The following INPP4B variants were observed in gnomAD, a reference collection of about 807,000 sequenced individuals.
The protein encoded by INPP4B is inositol polyphosphate 4-phosphatase type II.
INPP4B carries 55 observed loss-of-function variants against 122.5 expected under a neutral mutation model. The ratio of observed to expected loss-of-function variants is 0.45; its 90% CI spans 0.36 to 0.56. The LOEUF (loss-of-function observed/expected upper bound fraction) is 0.56. Among genes scored for constraint, INPP4B ranks in the 20% least tolerant of loss-of-function variants. The pLI is 0.00. For missense variants in INPP4B, 1,000 were observed against 1,097.7 expected, an observed-to-expected ratio of 0.91 and a Z score of 1.26; for synonymous variants, 403 against 388.7, an observed-to-expected ratio of 1.04 and a Z score of -0.43.
intron 2 of INPP4B, among the ~76,000 whole-genome samples, chr4:142,532,134 A>C (rs1431164157): frequency 1.3e-5 from 2 of 152,130 alleles, no homozygotes; most frequent in African/African-American, 4.8e-5. Context: ...TAGAAACGCA[A>C]ATCAGGTAAC....
chr4:142,086,737 T>C (rs948576048), intron 23 of INPP4B, among the ~76,000 whole-genome samples: 74 of 152,192 alleles, frequency 4.9e-4, no homozygotes, highest in African/African-American at 1.7e-3. Flanking sequence ...TACCTGTTTT[T>C]TTCTTTACTT....
rs199574020 is a variant in INPP4B, at chr4:142,114,835, A to G, written c.2136-2153T>C. The stretch of plus-strand genomic sequence containing the variant: ...GATTTTTGTGTCATGTCTAAGAACT[A>G]ATTACCTAAACCGGTAATAACTTCT... On this transcript the variant is annotated intron_variant, in intron 21 of 25. Transcript: ENST00000262992. Among the ~76,000 whole-genome samples, 57 of 152,090 alleles carry G rather than the reference A, an allele frequency of 3.7e-4. No individual in the cohort carries two copies. In the East Asian group the frequency reaches 8.1e-3, roughly 22 times the overall value.
chr4:142,608,019 C>T (rs1269449352), intron 2 of INPP4B, among the ~76,000 whole-genome samples: 1 of 152,140 alleles, frequency 6.6e-6, no homozygotes, highest in Admixed American at 6.6e-5. Context: ...CACTCTGCCA[C>T]CCCAAAGATT....
At chr4:142,704,578 T>C (rs1195897984) in intron 2 of INPP4B, among the ~76,000 whole-genome samples, 1 of 152,206 alleles carries the variant, frequency 6.6e-6, no homozygotes, top group Non-Finnish European at 1.5e-5. Context: ...CCCATTACCA[T>C]GGGGAAGTTA....
At chr4:142,594,424 G>A (rs1738219232) in intron 2 of INPP4B, among the ~76,000 whole-genome samples, 1 of 152,078 alleles carries the variant, frequency 6.6e-6, no homozygotes, top group South Asian at 2.1e-4. Context: ...TAACTCATTT[G>A]TTTCTTACAA....
rs190764084 is a variant in INPP4B, at chr4:142,761,249, A to C, written c.-253-35348T>G. Among the ~76,000 whole-genome samples the C allele has an allele frequency of 7.3e-5, 11 of 151,108 alleles. No homozygotes were observed. The East Asian group carries it at 2.1e-3, about 29-fold the overall frequency. ...TTAATTGTATTCTGCAGCCTTCTCC[A>C]CTTTCCCTCTCGGTCATGCTAACAG... On this transcript the variant is annotated intron_variant, in intron 1 of 25. Coordinates refer to ENST00000262992, the MANE Select transcript of INPP4B (RefSeq NM_001101669.3).
chr4:142,526,161 T>C (rs1265987942), intron 2 of INPP4B, among the ~76,000 whole-genome samples: 2 of 152,086 alleles, frequency 1.3e-5, no homozygotes, highest in African/African-American at 4.8e-5. Context: ...AATACATGTG[T>C]ATCTAGTGAC....
chr4:142,640,149 C>T (rs1050979091), intron 2 of INPP4B, among the ~76,000 whole-genome samples: 18 of 152,052 alleles, frequency 1.2e-4, no homozygotes, highest in East Asian at 1.9e-4. Context: ...TTCTACAATT[C>T]AATGCAATCT....
At chr4:142,113,911 T>A (rs1791551482) in intron 21 of INPP4B, among the ~76,000 whole-genome samples, 1 of 151,956 alleles carries the variant, frequency 6.6e-6, no homozygotes, top group Non-Finnish European at 1.5e-5. Context: ...CCAGGTTTAG[T>A]ACATTTCCAT....
At chr4:142,168,931 T>C (rs1824182263) in intron 16 of INPP4B, among the ~76,000 whole-genome samples, 1 of 151,572 alleles carries the variant, frequency 6.6e-6, no homozygotes, top group African/African-American at 2.4e-5. Context: ...GGAACTGCCC[T>C]AGGAAGAAAT....
intron 5 of INPP4B, among the ~76,000 whole-genome samples, chr4:142,422,642 C>CA (rs1205893044): frequency 1.3e-5 from 2 of 151,766 alleles, no homozygotes; most frequent in Admixed American, 6.6e-5. Context: ...CCCCTCTCTA[C>CA]AAAAAATAAA....
intron 18 of INPP4B, among the ~76,000 whole-genome samples, chr4:142,136,679 A>G (rs1245849104): frequency 6.6e-6 from 1 of 152,172 alleles, no homozygotes; most frequent in Non-Finnish European, 1.5e-5. Context: ...GGGTAAAGAA[A>G]TGTAGGGCCT....
At chr4:142,530,232 G>A (rs72726420) in intron 2 of INPP4B, among the ~76,000 whole-genome samples, 7,112 of 152,010 alleles carry the variant, frequency 0.047, 233 homozygotes, top group Non-Finnish European at 0.072. Flanking sequence ...AATTCTGAAG[G>A]TCAGGTATCC....
chr4:142,028,703 A>C lies in INPP4B; in HGVS notation c.*79T>G. 1 of 1,469,110 alleles carries C rather than the reference A, an allele frequency of 6.8e-7. No individual in the cohort carries two copies. The highest frequency in any genetic ancestry group is 9.2e-7 in the Non-Finnish European group (1 of 1,085,628). The allele number at this position is 1,469,110 out of a possible 1,614,324, so 91.0% of individuals were successfully genotyped here. A position where few individuals can be genotyped will look rare whatever the true frequency, so the allele number is the denominator to read the frequency against. On this transcript the variant is annotated 3_prime_UTR_variant, in exon 26 of 26. Transcript: ENST00000262992. ...CCCCACCACAAATTCATGACAATAAAAACAAACAAAAAAGACCAAGGTGAA... is the reference window on the plus strand; with the variant it reads ...CCCCACCACAAATTCATGACAATAACAACAAACAAAAAAGACCAAGGTGAA...
chr4:142,656,985 C>T lies in INPP4B; in HGVS notation c.-191+68854G>A, dbSNP rs138040544. On this transcript the variant is annotated intron_variant, in intron 2 of 25. Transcript: ENST00000262992. The stretch of plus-strand genomic sequence containing the variant: ...TCCATCTTGCTTTACATCCTGGGGG[C>T]ATGGCCAGTAGCCACTTGGCAAGGC... Among the ~76,000 whole-genome samples the T allele has an allele frequency of 2.6e-3, 403 of 152,284 alleles. 5 individuals are homozygous for T. The highest frequency in any genetic ancestry group is 0.018 in the East Asian group (94 of 5,154).
At chr4:142,612,905 T>G (rs1427306243) in intron 2 of INPP4B, among the ~76,000 whole-genome samples, 2 of 152,226 alleles carry the variant, frequency 1.3e-5, no homozygotes, top group Non-Finnish European at 2.9e-5. Context: ...TGTTGTCACT[T>G]AGAACGAAAA....
At chr4:142,073,575 T>C (rs1195543220) in intron 25 of INPP4B, among the ~76,000 whole-genome samples, 1 of 152,094 alleles carries the variant, frequency 6.6e-6, no homozygotes, top group African/African-American at 2.4e-5. Context: ...CAAGAAGTTT[T>C]AGACAGTATA....
chr4:142,736,974 A>C (rs1159957917), intron 1 of INPP4B, among the ~76,000 whole-genome samples: 1 of 152,178 alleles, frequency 6.6e-6, no homozygotes. Flanking sequence ...ATACAAACAA[A>C]TGGAAGAACA....
chr4:142,192,277 T>C (rs2636661), intron 15 of INPP4B, among the ~76,000 whole-genome samples: 121,494 of 138,532 alleles, frequency 0.88, 53,871 homozygotes, highest in East Asian at 0.96. Context: ...CAATTCACCA[T>C]GGTTAAAAAA....
Sources: gnomAD v4.1 joint callset for allele counts (sites outside exome capture counted in the v4.1 genomes callset) on GRCh38, gnomAD v4.1.1 for gene constraint, MANE v1.5 for transcripts, NCBI Gene and HGNC (gene_info 2026-07-23, HGNC 2026-07-21) for gene names.